Variants in SOX5 observed in about 807,000 individuals in gnomAD.
The protein encoded by SOX5 is SRY-box transcription factor 5.
SOX5 carries 9 observed loss-of-function variants against 92.0 expected under a neutral mutation model. That is an observed-to-expected ratio of 0.10 (90% CI 0.06 to 0.17). The LOEUF (loss-of-function observed/expected upper bound fraction) is 0.17. SOX5 is among the 10% of genes least tolerant of loss of function. SOX5 has a pLI of 1.00. For synonymous variants in SOX5, 344 were observed against 336.3 expected (o/e 1.02, Z -0.25); for missense variants, 642 against 944.5 (o/e 0.68, Z 4.20).
chr12:23,956,684 C>CT (rs34173854), intron 4 of SOX5, among the ~76,000 whole-genome samples: 51,654 of 149,332 alleles, frequency 0.35, 9,565 homozygotes, highest in Non-Finnish European at 0.44. Context: ...TTGCCTAAGT[C>CT]TTTTTTTTTT....
chr12:24,540,856 T>C (rs574108569), intron 1 of SOX5, among the ~76,000 whole-genome samples: 3 of 152,304 alleles, frequency 2.0e-5, no homozygotes, highest in Admixed American at 6.5e-5. Context: ...AAATATTAAA[T>C]AGAGCAAATC....
chr12:24,173,628 G>T (rs184843498), intron 4 of SOX5, among the ~76,000 whole-genome samples: 1 of 151,654 alleles, frequency 6.6e-6, no homozygotes, highest in East Asian at 1.9e-4. Context: ...TCAATCTTGG[G>T]TGCACAGAAA....
chr12:24,037,572 T>G (rs1956162731), intron 4 of SOX5, among the ~76,000 whole-genome samples: 1 of 152,148 alleles, frequency 6.6e-6, no homozygotes, highest in South Asian at 2.1e-4. Flanking sequence ...GTAAGGAGAC[T>G]GGCAAATATC....
intron 6 of SOX5, among the ~76,000 whole-genome samples, chr12:23,674,493 G>A (rs1346282559): frequency 6.6e-6 from 1 of 151,146 alleles, no homozygotes; most frequent in Non-Finnish European, 1.5e-5. Context: ...ACACACCACC[G>A]CTTCCGGCTA....
At chr12:23,721,453 G>T (rs2092811605) in intron 6 of SOX5, among the ~76,000 whole-genome samples, 1 of 151,922 alleles carries the variant, frequency 6.6e-6, no homozygotes, top group East Asian at 1.9e-4. Flanking sequence ...CTGTGATGAG[G>T]TCAGTAGCTT....
Position 24,259,263 on chromosome 12 carries a change from C to G in SOX5, c.-77+17953G>C, listed in dbSNP as rs371145516. Among the ~76,000 whole-genome samples, 4 of 152,110 alleles carry G rather than the reference C, an allele frequency of 2.6e-5. No homozygotes were observed. The South Asian group carries it at 8.3e-4, about 32-fold the overall frequency. ...AAGTGAGCGAGAGAGAGAGCGCGCA[C>G]ATGGTTTTGCAAATGTAGATTAGGT... On this transcript the variant is annotated intron_variant, in intron 3 of 4. Transcript: ENST00000446891.
chr12:24,221,559 T>C (rs1347054371), intron 3 of SOX5, among the ~76,000 whole-genome samples: 1 of 152,110 alleles, frequency 6.6e-6, no homozygotes, highest in African/African-American at 2.4e-5. Context: ...CTACCTAAGG[T>C]TGTTATAAGT....
intron 3 of SOX5, among the ~76,000 whole-genome samples, chr12:24,224,477 T>C (rs143110241): frequency 6.6e-6 from 1 of 152,244 alleles, no homozygotes; most frequent in Non-Finnish European, 1.5e-5. Flanking sequence ...GTTCAAATGA[T>C]AGAATTTACT....
intron 9 of SOX5, among the ~76,000 whole-genome samples, chr12:23,591,946 A>G (rs1355102624): frequency 3.3e-5 from 5 of 151,968 alleles, no homozygotes; most frequent in Non-Finnish European, 7.4e-5. Context: ...TTTTTCTCCT[A>G]TTTATGAAAT....
At chr12:24,188,435 A>G (rs1057169514) in intron 4 of SOX5, among the ~76,000 whole-genome samples, 1 of 152,204 alleles carries the variant, frequency 6.6e-6, no homozygotes, top group African/African-American at 2.4e-5. Context: ...ACAAGTATTT[A>G]TTCAATACTT....
intron 4 of SOX5, among the ~76,000 whole-genome samples, chr12:24,139,558 T>C (rs1390504783): frequency 6.6e-6 from 1 of 152,246 alleles, no homozygotes; most frequent in African/African-American, 2.4e-5. Context: ...ATTTAGAACC[T>C]GTTTCTGTGG....
At chr12:24,046,672 C>CGT (rs1654960258) in intron 4 of SOX5, among the ~76,000 whole-genome samples, 1 of 126,768 alleles carries the variant, frequency 7.9e-6, no homozygotes, top group South Asian at 2.6e-4. Flanking sequence ...TAAAATGTGT[C>CGT]TTTTTTTTTT....
chr12:24,010,360 T>G (rs902107126), intron 4 of SOX5, among the ~76,000 whole-genome samples: 1 of 152,154 alleles, frequency 6.6e-6, no homozygotes, highest in Non-Finnish European at 1.5e-5. Flanking sequence ...TGAATGAATA[T>G]GTGTGTATGG....
At chr12:23,951,866 C>T (rs1399210124), upstream of SOX5, among the ~76,000 whole-genome samples, 2 of 152,014 alleles carry the variant, frequency 1.3e-5, no homozygotes, top group Admixed American at 1.3e-4. Flanking sequence ...TGTTGTTAGT[C>T]TCAAATTATT....
chr12:23,963,426 T>C (rs1947181522), intron 4 of SOX5, among the ~76,000 whole-genome samples: 1 of 152,218 alleles, frequency 6.6e-6, no homozygotes, highest in African/African-American at 2.4e-5. Context: ...ATCATGCTTT[T>C]CCCTCACATA....
At chr12:23,918,932 A>G (rs528705626) in intron 1 of SOX5, among the ~76,000 whole-genome samples, 166 of 151,884 alleles carry the variant, frequency 1.1e-3, no homozygotes, top group Admixed American at 3.3e-3. Context: ...AAAGAAAAAA[A>G]AAGAAAGAAA....
chr12:24,263,833 A>T (rs1182399239), intron 3 of SOX5, among the ~76,000 whole-genome samples: 1 of 152,186 alleles, frequency 6.6e-6, no homozygotes, highest in Non-Finnish European at 1.5e-5. Context: ...AAGAAATTTC[A>T]AATCAGATTT....
At chr12:23,998,571 G>A (rs1451395922) in intron 4 of SOX5, among the ~76,000 whole-genome samples, 2 of 152,032 alleles carry the variant, frequency 1.3e-5, no homozygotes, top group Non-Finnish European at 2.9e-5. Flanking sequence ...TTGGGAGGCT[G>A]AGGCTGGTGG....
intron 3 of SOX5, among the ~76,000 whole-genome samples, chr12:23,816,750 G>T (rs1225932505): frequency 6.6e-6 from 1 of 152,138 alleles, no homozygotes; most frequent in Non-Finnish European, 1.5e-5. Context: ...TGAGAAGTGG[G>T]ACTGGAGAGT....
Sources: allele counts gnomAD v4.1 joint callset (sites outside exome capture counted in the v4.1 genomes callset), GRCh38; gene constraint gnomAD v4.1.1; transcripts MANE v1.5; gene names NCBI Gene and HGNC (gene_info 2026-07-23, HGNC 2026-07-21).